The following ARHGAP35 variants were observed in gnomAD, a reference collection of about 807,000 sequenced individuals.
ARHGAP35 encodes the protein rho GTPase-activating protein 35.
ARHGAP35 carries 15 observed loss-of-function variants against 111.1 expected under a neutral mutation model. The ratio of observed to expected loss-of-function variants is 0.13; its 90% CI spans 0.09 to 0.21. ARHGAP35 has a LOEUF of 0.21. Ranked by LOEUF, ARHGAP35 falls within the 10% of genes least tolerant of loss-of-function variation. The pLI, the probability that ARHGAP35 is intolerant of heterozygous loss-of-function variation, is 1.00. For missense variants in ARHGAP35, 1,262 were observed against 1,873.0 expected (o/e 0.67, Z 6.02); for synonymous variants, 643 against 710.3 (o/e 0.91, Z 1.51).
intron 1 of ARHGAP35, among the ~76,000 whole-genome samples, chr19:46,882,138 C>CT (rs111690310): frequency 0.019 from 2,681 of 143,944 alleles, 70 homozygotes; most frequent in African/African-American, 0.059. Context: ...CTTTCTTTCC[C>CT]TTTTTTTTTT....
rs182715822 is a variant in ARHGAP35 at position 46,985,988 on chromosome 19, G to A, written c.3827-2001G>A. Among the ~76,000 whole-genome samples, 332 of 152,224 alleles carry A rather than the reference G, an allele frequency of 2.2e-3. 3 individuals carry two copies. The highest frequency in any genetic ancestry group is 2.1e-3 in the South Asian group (10 of 4,818). ...CAATAACAACCAACACGTGGCTCTC[G>A]GAAGCCTGACTGACTCCAGGGCCCG... On this transcript the variant is annotated intron_variant, in intron 3 of 6. Coordinates refer to ENST00000672722, the MANE Select transcript of ARHGAP35 (RefSeq NM_004491.5).
intron 3 of ARHGAP35, among the ~76,000 whole-genome samples, chr19:46,987,495 G>C (rs372801003): frequency 1.3e-5 from 2 of 152,130 alleles, no homozygotes; most frequent in South Asian, 2.1e-4. Context: ...GATTACAGGC[G>C]TGAGCCACCG....
intron 1 of ARHGAP35, among the ~76,000 whole-genome samples, chr19:46,915,395 C>T (rs559807646): frequency 2.0e-5 from 3 of 152,188 alleles, no homozygotes; most frequent in South Asian, 4.1e-4. Context: ...TTGCATACTA[C>T]GTCTAGTCAC....
chr19:46,928,796 G>T (rs747709690), intron 2 of ARHGAP35, among the ~76,000 whole-genome samples: 70 of 152,092 alleles, frequency 4.6e-4, no homozygotes, highest in Non-Finnish European at 9.6e-4. Context: ...GCCAGGTGTG[G>T]TGGTGGACGC....
intron 1 of ARHGAP35, among the ~76,000 whole-genome samples, chr19:46,874,536 C>T (rs1360596496): frequency 8.4e-6 from 1 of 119,416 alleles, no homozygotes; most frequent in Admixed American, 1.1e-4. Flanking sequence ...CGGAGTCTTG[C>T]TCTGTTGCCC....
At chr19:46,906,501 C>T (rs1048008561) in intron 1 of ARHGAP35, among the ~76,000 whole-genome samples, 1 of 152,134 alleles carries the variant, frequency 6.6e-6, no homozygotes. Flanking sequence ...CAGGCAGGGG[C>T]CTAGTGTAGA....
In ARHGAP35 at chr19:46,886,406, C is replaced by G. The variant is rs541651397; in HGVS notation, c.-189+25197C>G. 4.0e-5 allele frequency among the ~76,000 whole-genome samples: 6 copies of G among 149,896 alleles called. No individual in the cohort carries two copies. In the South Asian group the frequency reaches 1.3e-3, roughly 32 times the overall value. On this transcript the variant is annotated intron_variant, in intron 1 of 6. Coordinates refer to ENST00000672722, the MANE Select transcript of ARHGAP35 (RefSeq NM_004491.5). Reference sequence around the variant, plus strand: ...GTAAGGGAGGTTTTTTTTTTCTTTTCTTTTTTTCCTACTTCTAATTCTGAC... The same window carrying G: ...GTAAGGGAGGTTTTTTTTTTCTTTTGTTTTTTTCCTACTTCTAATTCTGAC...
chr19:46,989,105 C>A lies in ARHGAP35; in HGVS notation c.3905-439C>A, dbSNP rs2056666218. The A allele has an allele frequency of 1.8e-5, 3 of 169,906 alleles. No individual in the cohort carries two copies. The highest frequency in any genetic ancestry group is 7.1e-5 in the African/African-American group (3 of 42,254). 10.5% of individuals were successfully genotyped at this position (169,906 alleles called of 1,614,324 possible). ...AAAAATGAGCCTATTTGCCCTCCCA[C>A]CATAGGGGACAAGGATGGAGGCAGC... On this transcript the variant is annotated intron_variant, in intron 4 of 6. Coordinates refer to ENST00000672722, the MANE Select transcript of ARHGAP35 (RefSeq NM_004491.5). This position sits in a 1 kb window ranked among gnomAD's most constrained non-coding sequence, Gnocchi z 5.3.
intron 1 of ARHGAP35, among the ~76,000 whole-genome samples, chr19:46,874,389 G>A (rs1488398122): frequency 6.6e-6 from 1 of 151,898 alleles, no homozygotes; most frequent in Non-Finnish European, 1.5e-5. Flanking sequence ...AAAGAATTAT[G>A]TGTGACTAAG....
chr19:46,969,888 A>G (rs1265381457), intron 3 of ARHGAP35, among the ~76,000 whole-genome samples: 1 of 152,154 alleles, frequency 6.6e-6, no homozygotes, highest in East Asian at 1.9e-4. Flanking sequence ...TGCCAAGGCA[A>G]GTGAGGCAGC....
At chr19:46,961,060 A>T (rs1226697176) in intron 3 of ARHGAP35, among the ~76,000 whole-genome samples, 3 of 151,884 alleles carry the variant, frequency 2.0e-5, no homozygotes, top group Non-Finnish European at 4.4e-5. Flanking sequence ...ACGCCCAGCT[A>T]ATTTTTGTAT....
intron 1 of ARHGAP35, among the ~76,000 whole-genome samples, chr19:46,882,285 C>T (rs1450680398): frequency 6.6e-6 from 1 of 151,620 alleles, no homozygotes; most frequent in Admixed American, 6.6e-5. Flanking sequence ...CAGGCATATG[C>T]CACCATCCCT....
At chr19:46,951,311 G>T (rs1039854658) in intron 3 of ARHGAP35, among the ~76,000 whole-genome samples, 1 of 152,232 alleles carries the variant, frequency 6.6e-6, no homozygotes, top group African/African-American at 2.4e-5. Flanking sequence ...AGGACAGGGG[G>T]CGGGGATGGG....
chr19:46,866,020 T>C (rs1439754192), intron 1 of ARHGAP35, among the ~76,000 whole-genome samples: 1 of 152,096 alleles, frequency 6.6e-6, no homozygotes, highest in Non-Finnish European at 1.5e-5. Context: ...TTTGTATTTT[T>C]AGTAGAGATG....
At position 46,956,642 on chromosome 19, in the gene ARHGAP35, TG is replaced by T. The variant is rs200340850; in HGVS notation, c.3826+19236del. On this transcript the variant is annotated intron_variant, in intron 3 of 6. Coordinates refer to ENST00000672722, the MANE Select transcript of ARHGAP35 (RefSeq NM_004491.5). The stretch of plus-strand genomic sequence containing the variant: ...AATATTCCAAATTCTGAAACACTTC[TG>T]GTCCCAACTATTTTGGTTGAGGGCT... 2.7e-3 allele frequency among the ~76,000 whole-genome samples: 415 copies of T among 152,280 alleles called. 1 individual carries two copies. The highest frequency in any genetic ancestry group is 9.6e-3 in the African/African-American group (398 of 41,564).
chr19:46,874,310 T>C (rs1375247937), intron 1 of ARHGAP35, among the ~76,000 whole-genome samples: 1 of 152,114 alleles, frequency 6.6e-6, no homozygotes, highest in Admixed American at 6.5e-5. Context: ...AGGAACACAC[T>C]GTTTCTTTAC....
At position 46,946,264 on chromosome 19, in the gene ARHGAP35, C is replaced by G. The variant is rs147340368; in HGVS notation, c.3826+8856C>G. Among the ~76,000 whole-genome samples, 96 of 152,322 alleles carry G rather than the reference C, an allele frequency of 6.3e-4. 1 individual carries two copies. The highest frequency in any genetic ancestry group is 1.1e-3 in the Non-Finnish European group (76 of 68,032). Reference sequence around the variant, plus strand: ...ATCCCATAAGAGATGGTGTTTTGCTCTAAGAACATGGGTGTGGTAGGAAGC... The same window carrying G: ...ATCCCATAAGAGATGGTGTTTTGCTGTAAGAACATGGGTGTGGTAGGAAGC... On this transcript the variant is annotated intron_variant, in intron 3 of 6. Coordinates refer to ENST00000672722, the MANE Select transcript of ARHGAP35 (RefSeq NM_004491.5).
At chr19:46,937,218 T>C (rs2056314590) in intron 2 of ARHGAP35, 46 bp from the exon 3 acceptor site, 4 of 1,610,000 alleles carry the variant, frequency 2.5e-6, no homozygotes, top group Admixed American at 1.7e-5. Flanking sequence ...AGTTACATGT[T>C]GATACTCACT....
intron 1 of ARHGAP35, among the ~76,000 whole-genome samples, chr19:46,873,540 C>T (rs1032142382): frequency 4.0e-5 from 6 of 150,230 alleles, no homozygotes; most frequent in Admixed American, 2.7e-4. Context: ...TGGGAGGCTG[C>T]GGCAGGAGAA....
Sources: gnomAD v4.1 joint callset for allele counts (sites outside exome capture counted in the v4.1 genomes callset) on GRCh38, gnomAD v4.1.1 for gene constraint, Gnocchi (gnomAD v3.1) non-coding constraint, MANE v1.5 for transcripts, NCBI Gene and HGNC (gene_info 2026-07-23, HGNC 2026-07-21) for gene names.